The following ANKS1B variants were observed in gnomAD, a reference collection of about 807,000 sequenced individuals.
The protein encoded by ANKS1B is ankyrin repeat and sterile alpha motif domain containing 1B, also known as ankyrin repeat and sterile alpha motif domain-containing protein 1B.
ANKS1B carries 36 observed loss-of-function variants against 148.3 expected under a neutral mutation model. The ratio of observed to expected loss-of-function variants is 0.24; its 90% CI spans 0.19 to 0.32. The LOEUF (loss-of-function observed/expected upper bound fraction) is 0.32, where lower values mean the gene tolerates loss of function less well. Among genes scored for constraint, ANKS1B ranks in the 10% least tolerant of loss-of-function variants. The pLI, the probability that ANKS1B is intolerant of heterozygous loss-of-function variation, is 1.00. For missense variants in ANKS1B, 1,157 were observed against 1,542.6 expected, an observed-to-expected ratio of 0.75 and a Z score of 4.19; for synonymous variants, 542 against 560.8, an observed-to-expected ratio of 0.97 and a Z score of 0.47.
chr12:99,076,248 C>T (rs1379900367), intron 16 of ANKS1B, among the ~76,000 whole-genome samples: 2 of 152,158 alleles, frequency 1.3e-5, no homozygotes, highest in South Asian at 2.1e-4. Flanking sequence ...TTGACAGTTG[C>T]TCATATGAAG....
At chr12:99,938,229 T>C (rs2094829380) in intron 1 of ANKS1B, among the ~76,000 whole-genome samples, 1 of 152,170 alleles carries the variant, frequency 6.6e-6, no homozygotes, top group Non-Finnish European at 1.5e-5. Flanking sequence ...TGCAGGACGA[T>C]TCTAGTTGCT....
intron 14 of ANKS1B, among the ~76,000 whole-genome samples, chr12:99,192,857 A>G (rs1163935837): frequency 6.6e-6 from 1 of 152,124 alleles, no homozygotes; most frequent in Admixed American, 6.5e-5. Context: ...TATTCAATAT[A>G]ATAAATACAA....
chr12:98,992,881 G>T (rs965240455), intron 17 of ANKS1B, among the ~76,000 whole-genome samples: 1 of 152,154 alleles, frequency 6.6e-6, no homozygotes, highest in African/African-American at 2.4e-5. Flanking sequence ...GATCTATGAT[G>T]CCTGTCTTGT....
intron 8 of ANKS1B, among the ~76,000 whole-genome samples, chr12:99,660,074 A>G (rs749294606): frequency 2.6e-5 from 4 of 152,262 alleles, no homozygotes; most frequent in Non-Finnish European, 5.9e-5. Context: ...ACTTTATAGC[A>G]TTGCCACACG....
At chr12:98,899,976 A>G (rs1447047820) in intron 17 of ANKS1B, among the ~76,000 whole-genome samples, 1 of 152,206 alleles carries the variant, frequency 6.6e-6, no homozygotes, top group Non-Finnish European at 1.5e-5. Context: ...GTTTTAGTAA[A>G]ATTTCCAGGA....
At chr12:99,131,718 C>A (rs1248728335) in intron 15 of ANKS1B, among the ~76,000 whole-genome samples, 1 of 152,120 alleles carries the variant, frequency 6.6e-6, no homozygotes, top group African/African-American at 2.4e-5. Flanking sequence ...TGATGGCTCC[C>A]CTGAGCCTTT....
chr12:99,303,751 C>T (rs962017088), intron 12 of ANKS1B, among the ~76,000 whole-genome samples: 15 of 152,056 alleles, frequency 9.9e-5, no homozygotes, highest in Non-Finnish European at 1.8e-4. Flanking sequence ...GTACACTGTA[C>T]TCAATGTGTA....
At chr12:99,198,302 A>C (rs2081629632) in intron 14 of ANKS1B, among the ~76,000 whole-genome samples, 1 of 152,214 alleles carries the variant, frequency 6.6e-6, no homozygotes, top group Admixed American at 6.5e-5. Context: ...GTACATTTTA[A>C]TAACTGCTTG....
At chr12:99,489,497 G>A (rs912781833) in intron 10 of ANKS1B, among the ~76,000 whole-genome samples, 7 of 152,120 alleles carry the variant, frequency 4.6e-5, no homozygotes, top group Admixed American at 6.6e-5. Context: ...CATTATATTA[G>A]TAGCTATGCT....
At chr12:99,750,427 T>C (rs572864643) in intron 8 of ANKS1B, among the ~76,000 whole-genome samples, 1 of 152,190 alleles carries the variant, frequency 6.6e-6, no homozygotes, top group South Asian at 2.1e-4. Flanking sequence ...TACCTATAAC[T>C]ATAGGAAAAG....
chr12:98,951,766 C>A (rs910365434), intron 17 of ANKS1B, among the ~76,000 whole-genome samples: 1 of 152,178 alleles, frequency 6.6e-6, no homozygotes, highest in Non-Finnish European at 1.5e-5. Flanking sequence ...TCTCCGTCAG[C>A]CAGAAATTTC....
intron 12 of ANKS1B, among the ~76,000 whole-genome samples, chr12:99,296,216 G>C (rs1417366987): frequency 6.6e-6 from 1 of 152,002 alleles, no homozygotes; most frequent in Non-Finnish European, 1.5e-5. Flanking sequence ...GATACCACAT[G>C]GTCTTAAATA....
intron 16 of ANKS1B, among the ~76,000 whole-genome samples, 166 bp downstream of exon 16, chr12:99,084,759 T>C (rs2051037336): frequency 6.6e-6 from 1 of 152,078 alleles, no homozygotes; most frequent in Non-Finnish European, 1.5e-5. Flanking sequence ...GTGTGGCCCA[T>C]AGTAGTCTCA....
intron 9 of ANKS1B, among the ~76,000 whole-genome samples, chr12:99,610,029 A>T (rs891891040): frequency 4.6e-5 from 7 of 152,062 alleles, no homozygotes; most frequent in African/African-American, 1.7e-4. Context: ...ATTGAACACC[A>T]GAGTTACAAG....
chr12:99,821,678 TGCCTCAAATGAAAGGTCAG>T (rs1298482384), intron 2 of ANKS1B, among the ~76,000 whole-genome samples: 1 of 152,032 alleles, frequency 6.6e-6, no homozygotes, highest in Non-Finnish European at 1.5e-5. Context: ...AAAAGTAGTA[TGCCTCAAATGAAAGGTCAG>T]GCCCAAGATA....
At chr12:99,509,454 T>C (rs142910853) in intron 9 of ANKS1B, among the ~76,000 whole-genome samples, 221 of 152,048 alleles carry the variant, frequency 1.5e-3, no homozygotes, top group African/African-American at 4.8e-3. Context: ...AACAGTCTTA[T>C]TGCTGATATG....
chr12:99,444,332 G>C (rs2152799731), intron 10 of ANKS1B, among the ~76,000 whole-genome samples: 1 of 151,994 alleles, frequency 6.6e-6, no homozygotes, highest in Middle Eastern at 3.4e-3. Context: ...ATGAAAAACT[G>C]AAATTTGTGC....
At chr12:99,241,048 A>G (rs1457488964) in intron 14 of ANKS1B, among the ~76,000 whole-genome samples, 1 of 152,230 alleles carries the variant, frequency 6.6e-6, no homozygotes, top group Non-Finnish European at 1.5e-5. Context: ...AATTAAGATC[A>G]GAGCAGAATT....
chr12:98,809,820 G>A (rs1356643390), intron 19 of ANKS1B, among the ~76,000 whole-genome samples: 1 of 152,146 alleles, frequency 6.6e-6, no homozygotes, highest in Non-Finnish European at 1.5e-5. Flanking sequence ...GGGATGGGAG[G>A]TGAGACAAGC....
Sources: allele counts gnomAD v4.1 joint callset (sites outside exome capture counted in the v4.1 genomes callset), GRCh38; gene constraint gnomAD v4.1.1; transcripts MANE v1.5; gene names NCBI Gene and HGNC (gene_info 2026-07-23, HGNC 2026-07-21).